The following TRAP1 variants were observed in gnomAD, a reference collection of about 807,000 sequenced individuals.
TRAP1 encodes the protein TNF receptor associated protein 1, also known as heat shock protein 75 kDa, mitochondrial.
In TRAP1, 102 loss-of-function variants were observed where a neutral mutation model predicts 89.1. The ratio of observed to expected loss-of-function variants is 1.15; its 90% CI spans 0.98 to 1.35. TRAP1 has a LOEUF of 1.35. Ranked by LOEUF, TRAP1 falls within the 40% of genes most tolerant of loss-of-function variation. TRAP1 has a pLI of 0.00. For missense variants in TRAP1, 1,256 were observed against 945.3 expected, an observed-to-expected ratio of 1.33 and a Z score of -4.31; for synonymous variants, 508 against 388.0, an observed-to-expected ratio of 1.31 and a Z score of -3.64.
At chr16:3,707,003 T>G (rs750962334) in intron 1 of TRAP1, among the ~76,000 whole-genome samples, 1 of 152,032 alleles carries the variant, frequency 6.6e-6, no homozygotes, top group Non-Finnish European at 1.5e-5. Context: ...GTGGGAGGGT[T>G]CTGATTTTTC....
At chr16:3,660,988 CTTTTTGCTGTTTTCTA>C (rs2043043463) in intron 16 of TRAP1, 1 of 152,032 alleles carries the variant, frequency 6.6e-6, no homozygotes, top group African/African-American at 2.4e-5. Context: ...TTTTGATTTC[CTTTTTGCTGTTTTCTA>C]TTTTTGGTAA....
rs2051047563 is a variant in TRAP1, at chr16:3,679,617, T to C, written c.543+102A>G. On this transcript the variant is annotated intron_variant, in intron 5 of 17. Coordinates refer to ENST00000246957, the MANE Select transcript of TRAP1 (RefSeq NM_016292.3). ...CAGTACCCACTGCGTGGCATGCAAC[T>C]GACAACGTTCTTACTTAATCTGGCA... The C allele has an allele frequency of 7.6e-6, 9 of 1,181,052 alleles. 1 individual carries two copies. 73.2% of individuals were successfully genotyped at this position (1,181,052 alleles called of 1,614,324 possible). A position where few individuals can be genotyped will look rare whatever the true frequency, so the allele number is the denominator to read the frequency against.
intron 15 of TRAP1, 44 bp from the exon 16 acceptor site, chr16:3,662,176 G>C (rs1330349650): frequency 2.5e-5 from 39 of 1,584,502 alleles, no homozygotes; most frequent in Non-Finnish European, 3.2e-5. Context: ...GGTTCCCAAT[G>C]TGAGAGGGCT....
intron 1 of TRAP1, among the ~76,000 whole-genome samples, chr16:3,693,644 T>C (rs2051246601): frequency 6.6e-6 from 1 of 152,134 alleles, no homozygotes; most frequent in Non-Finnish European, 1.5e-5. Context: ...ACTGTGTATT[T>C]TGTTTCCTAG....
rs890068371 is a variant in TRAP1 at position 3,687,943 on chromosome 16, G to A, written c.330+1112C>T. Among the ~76,000 whole-genome samples the A allele has an allele frequency of 8.6e-5, 13 of 151,852 alleles. No homozygotes were observed. The Middle Eastern group carries it at 0.017, about 200-fold the overall frequency. ...AAGAGCACATAGGTGAAGAGGAAGCGGTGGCTGATCTGGGCGGAAGCTGGA... is the reference window on the plus strand; with the variant it reads ...AAGAGCACATAGGTGAAGAGGAAGCAGTGGCTGATCTGGGCGGAAGCTGGA... On this transcript the variant is annotated intron_variant, in intron 3 of 17. Transcript: ENST00000246957.
At position 3,662,132 on chromosome 16, in the gene TRAP1, C is replaced by A. The variant is rs202172023; in HGVS notation, c.1795G>T (p.Val599Leu). The stretch of plus-strand genomic sequence containing the variant: ...GGGTGGGTGTCCAGTCGGAGGGTCA[C>A]CTGTGAGCAAAGCCCGGGGTTGAGG... Reference protein sequence around the residue: ...VLGSRVTNVKVTLRLDTHPAM... With the variant: ...VLGSRVTNVKLTLRLDTHPAM... Residue 599 changes from valine (V) to leucine (L), a missense_variant and splice_region_variant, in exon 16 of 18, where the codon GTG becomes TTG. Transcript: ENST00000246957. 5 of 1,610,800 alleles carry A rather than the reference C, an allele frequency of 3.1e-6. No homozygotes were observed. The East Asian group carries it at 1.1e-4, about 36-fold the overall frequency.
chr16:3,674,253 T>A, intron 9 of TRAP1, 86 bp downstream of exon 9: 1 of 1,534,276 alleles, frequency 6.5e-7, no homozygotes, highest in African/African-American at 1.4e-5. Flanking sequence ...CACACTGCCA[T>A]GTTAATCATG....
At chr16:3,689,307 C>T (rs537889116) in intron 2 of TRAP1, among the ~76,000 whole-genome samples, 170 bp from the exon 3 acceptor site, 5 of 149,128 alleles carry the variant, frequency 3.4e-5, no homozygotes, top group Non-Finnish European at 7.4e-5. Flanking sequence ...TACAGTGGCA[C>T]GATCTCGGCT....
chr16:3,694,631 C>T (rs2051262336), intron 1 of TRAP1, among the ~76,000 whole-genome samples: 1 of 152,230 alleles, frequency 6.6e-6, no homozygotes, highest in Non-Finnish European at 1.5e-5. Flanking sequence ...AGCCACCATA[C>T]CTGGCCTCTT....
intron 16 of TRAP1, chr16:3,660,899 G>C (rs2043036830): frequency 6.6e-6 from 1 of 151,984 alleles, no homozygotes; most frequent in Non-Finnish European, 1.5e-5. Context: ...ACTCCAACCT[G>C]GGGGACAGAG....
intron 11 of TRAP1, among the ~76,000 whole-genome samples, chr16:3,671,498 C>G (rs1452897353): frequency 6.6e-6 from 1 of 152,028 alleles, no homozygotes; most frequent in Non-Finnish European, 1.5e-5. Context: ...TATCCAGACT[C>G]CAGCCTCAGC....
intron 4 of TRAP1, among the ~76,000 whole-genome samples, chr16:3,684,126 A>T (rs1000100129): frequency 2.0e-5 from 3 of 152,220 alleles, no homozygotes; most frequent in South Asian, 2.1e-4. Flanking sequence ...AGGTGAGATC[A>T]TACCACTGCA....
At chr16:3,660,083 A>G (rs1387923576) in intron 16 of TRAP1, 2 of 152,236 alleles carry the variant, frequency 1.3e-5, no homozygotes, top group African/African-American at 4.8e-5. Context: ...CGTAGCTGGA[A>G]AAAAAGGACA....
Position 3,664,253 on chromosome 16 carries a change from CCCCACCCACCG to C in TRAP1, c.1569+10_1569+20del. On this transcript the variant is annotated intron_variant, in intron 13 of 17. Transcript: ENST00000246957. Reference sequence around the variant, plus strand: ...CCCAGGTTGCAGCCCCCGGAGCCCGCCCCACCCACCGCTCACCCACCTCTGTGTCTTTCTTC... The same window carrying C: ...CCCAGGTTGCAGCCCCCGGAGCCCGCCTCACCCACCTCTGTGTCTTTCTTC... 1.9e-6 allele frequency: 3 copies of C among 1,545,354 alleles called. No individual in the cohort carries two copies. Among genetic ancestry groups the C allele is most frequent in the Non-Finnish European group, 2.6e-6 (3 of 1,147,038 alleles).
chr16:3,677,689 C>A (rs2051018122), intron 5 of TRAP1, 31 bp from the exon 6 acceptor site: 2 of 1,604,082 alleles, frequency 1.2e-6, no homozygotes, highest in Non-Finnish European at 8.5e-7. Context: ...AGTGAGGCAG[C>A]CTCCCCTCCA....
intron 1 of TRAP1, among the ~76,000 whole-genome samples, chr16:3,694,629 T>C (rs1012916577): frequency 6.6e-6 from 1 of 152,156 alleles, no homozygotes; most frequent in Non-Finnish European, 1.5e-5. Flanking sequence ...TGAGCCACCA[T>C]ACCTGGCCTC....
intron 6 of TRAP1, chr16:3,676,792 A>C (rs1324977863): frequency 3.3e-5 from 5 of 152,414 alleles, no homozygotes; most frequent in Admixed American, 6.5e-5. Flanking sequence ...GTGGTGGCTC[A>C]CGTCTATAAT....
intron 1 of TRAP1, among the ~76,000 whole-genome samples, chr16:3,707,184 CTTT>C (rs747339831): frequency 6.9e-5 from 9 of 130,018 alleles, no homozygotes; most frequent in Non-Finnish European, 6.7e-5. Flanking sequence ...AAGAGGAAAT[CTTT>C]TTTTTTTTTT....
intron 1 of TRAP1, among the ~76,000 whole-genome samples, chr16:3,697,808 G>A (rs187055481): frequency 9.1e-5 from 13 of 143,596 alleles, no homozygotes; most frequent in African/African-American, 1.3e-4. Context: ...TTTTTTCCTC[G>A]AGAAGGTCTT....
Sources: gnomAD v4.1 joint callset for allele counts (sites outside exome capture counted in the v4.1 genomes callset) on GRCh38, gnomAD v4.1.1 for gene constraint, MANE v1.5 for transcripts, NCBI Gene and HGNC (gene_info 2026-07-23, HGNC 2026-07-21) for gene names.